The following SKAP1 variants were observed in gnomAD, a reference collection of about 807,000 sequenced individuals.
SKAP1 encodes the protein src kinase-associated phosphoprotein 1.
SKAP1 carries 44 observed loss-of-function variants against 58.5 expected under a neutral mutation model. The ratio of observed to expected loss-of-function variants is 0.75; its 90% confidence interval spans 0.59 to 0.97. The LOEUF is 0.97. SKAP1 is among the 50% of genes least tolerant of loss of function. SKAP1 has a pLI of 0.00. For synonymous variants in SKAP1, 127 were observed against 149.7 expected (o/e 0.85, Z 1.11); for missense variants, 390 against 435.2 (o/e 0.90, Z 0.92).
At chr17:48,200,367 A>ATTCT (rs569750762) in intron 4 of SKAP1, among the ~76,000 whole-genome samples, 2 of 151,574 alleles carry the variant, frequency 1.3e-5, no homozygotes, top group Non-Finnish European at 2.9e-5. Flanking sequence ...AGATTGGGCC[A>ATTCT]TTCTTTCTTT....
At chr17:48,156,696 C>T (rs1055308008) in intron 11 of SKAP1, among the ~76,000 whole-genome samples, 7 of 152,212 alleles carry the variant, frequency 4.6e-5, no homozygotes, top group Non-Finnish European at 1.0e-4. Flanking sequence ...CCAAGGAATG[C>T]ATGGATGTGA....
intron 2 of SKAP1, among the ~76,000 whole-genome samples, chr17:48,376,169 G>T (rs911524325): frequency 2.6e-5 from 4 of 152,078 alleles, no homozygotes; most frequent in African/African-American, 9.7e-5. Flanking sequence ...CAGGTTAACA[G>T]CTACTCTTCG....
At chr17:48,253,482 T>C (rs958140882) in intron 4 of SKAP1, among the ~76,000 whole-genome samples, 1 of 152,208 alleles carries the variant, frequency 6.6e-6, no homozygotes, top group Non-Finnish European at 1.5e-5. Context: ...AATGGCTTCA[T>C]TTCTCTCTAA....
At chr17:48,443,931 ATTTAC>A in the SKAP1 span, among the ~76,000 whole-genome samples, 3 of 152,302 alleles carry the variant, frequency 2.0e-5, no homozygotes, top group South Asian at 2.1e-4. Flanking sequence ...CAATTATTAA[ATTTAC>A]TTTATTTTTC....
chr17:48,259,183 G>T (rs945316885), intron 4 of SKAP1, among the ~76,000 whole-genome samples: 3 of 151,908 alleles, frequency 2.0e-5, no homozygotes, highest in African/African-American at 7.3e-5. Context: ...TTTTAAAAGT[G>T]CAGAACAATG....
rs117193535 is a variant in SKAP1, at chr17:48,178,812, G to A, written c.826+1242C>T. Among the ~76,000 whole-genome samples, 119 of 152,260 alleles carry A rather than the reference G, an allele frequency of 7.8e-4. 1 individual carries two copies. In the East Asian group the frequency reaches 0.021, roughly 27 times the overall value. ...CAAGAAATGGCTCGACCTCAACCAAGATATCATTTGCATAATAAAACACAA... is the reference window on the plus strand; with the variant it reads ...CAAGAAATGGCTCGACCTCAACCAAAATATCATTTGCATAATAAAACACAA... On this transcript the variant is annotated intron_variant, in intron 9 of 12. Transcript: ENST00000336915.
At chr17:48,392,775 G>A (rs934642265) in intron 2 of SKAP1, among the ~76,000 whole-genome samples, 3 of 151,832 alleles carry the variant, frequency 2.0e-5, no homozygotes, top group Non-Finnish European at 2.9e-5. Context: ...CACAAGAATC[G>A]CCAGAACCTG....
chr17:48,325,058 C>T (rs1054598850), intron 4 of SKAP1, among the ~76,000 whole-genome samples: 1 of 152,014 alleles, frequency 6.6e-6, no homozygotes, highest in Admixed American at 6.5e-5. Flanking sequence ...ACCATCCTGG[C>T]TAACACGGTG....
At chr17:48,310,176 T>C (rs1343234617) in intron 4 of SKAP1, among the ~76,000 whole-genome samples, 1 of 152,230 alleles carries the variant, frequency 6.6e-6, no homozygotes, top group Non-Finnish European at 1.5e-5. Flanking sequence ...CAAAACCCTT[T>C]AACGAACAGA....
At chr17:48,246,246 T>C (rs2065294998) in intron 4 of SKAP1, among the ~76,000 whole-genome samples, 2 of 152,204 alleles carry the variant, frequency 1.3e-5, no homozygotes, top group Non-Finnish European at 2.9e-5. Context: ...CAGACTAGCA[T>C]TCAAAGGTTT....
chr17:48,169,204 G>A (rs1471208714), intron 10 of SKAP1, among the ~76,000 whole-genome samples: 1 of 152,118 alleles, frequency 6.6e-6, no homozygotes, highest in Admixed American at 6.5e-5. Context: ...AGAGAAAGAG[G>A]TGGAAGGAGG....
intron 1 of SKAP1, among the ~76,000 whole-genome samples, chr17:48,398,624 T>A (rs1428505387): frequency 4.6e-5 from 7 of 152,062 alleles, no homozygotes; most frequent in Admixed American, 4.6e-4. Context: ...ATCAAAATAT[T>A]GCTATGAATT....
intron 11 of SKAP1, among the ~76,000 whole-genome samples, chr17:48,145,951 T>C (rs943083674): frequency 3.9e-5 from 6 of 152,126 alleles, no homozygotes; most frequent in African/African-American, 1.4e-4. Flanking sequence ...TGTGGATGGA[T>C]GTGAAGGAAT....
At chr17:48,364,950 C>T (rs1045620359) in intron 2 of SKAP1, among the ~76,000 whole-genome samples, 22 of 151,738 alleles carry the variant, frequency 1.4e-4, no homozygotes, top group African/African-American at 4.1e-4. Flanking sequence ...ATGGCATGAA[C>T]GTCACTCACT....
chr17:48,181,177 T>C (rs2064363036), intron 8 of SKAP1, among the ~76,000 whole-genome samples: 1 of 152,232 alleles, frequency 6.6e-6, no homozygotes, highest in Non-Finnish European at 1.5e-5. Context: ...ACAATTTTCA[T>C]CTGAATTTTG....
At chr17:48,248,550 G>A (rs918181875) in intron 4 of SKAP1, among the ~76,000 whole-genome samples, 1 of 152,144 alleles carries the variant, frequency 6.6e-6, no homozygotes, top group African/African-American at 2.4e-5. Context: ...CTGGAAGACA[G>A]GGCAAGACTC....
At chr17:48,389,232 ATT>A (rs1380498937) in intron 2 of SKAP1, among the ~76,000 whole-genome samples, 1 of 152,154 alleles carries the variant, frequency 6.6e-6, no homozygotes, top group Non-Finnish European at 1.5e-5. Context: ...TGTAAACTCT[ATT>A]AATTGTCTGA....
In SKAP1 at chr17:48,300,307, G is replaced by A. The variant is rs748273460; in HGVS notation, c.280+45598C>T. ...TATCTTCAAGGATTAAGAGAGACAG[G>A]GCAGAATGGCATGGGACTGTGAGAG... On this transcript the variant is annotated intron_variant, in intron 4 of 12. Transcript: ENST00000336915. 8.5e-4 allele frequency among the ~76,000 whole-genome samples: 129 copies of A among 152,156 alleles called. 2 individuals carry two copies. Among genetic ancestry groups the A allele is most frequent in the Non-Finnish European group, 1.5e-4 (10 of 68,028 alleles).
chr17:48,146,909 G>A (rs1544597), intron 11 of SKAP1, among the ~76,000 whole-genome samples: 24,470 of 152,110 alleles, frequency 0.16, 2,670 homozygotes, highest in African/African-American at 0.3. Flanking sequence ...GATTACAGGC[G>A]TGAGCCACTG....
Sources: allele counts gnomAD v4.1 joint callset (sites outside exome capture counted in the v4.1 genomes callset), GRCh38; gene constraint gnomAD v4.1.1; transcripts MANE v1.5; gene names NCBI Gene and HGNC (gene_info 2026-07-23, HGNC 2026-07-21).